The following CPZ variants were observed in gnomAD, a reference collection of about 807,000 sequenced individuals.
CPZ encodes the protein VEZT/CPZ fusion.
Under a neutral mutation model 61.8 loss-of-function variants are expected in CPZ, and 103 were observed. The observed-to-expected ratio is 1.67, with a 90% CI of 1.42 to 1.96. The LOEUF is 1.96. CPZ is among the 30% of genes most tolerant of loss of function. The pLI is 0.00. For synonymous variants in CPZ, 551 were observed against 373.7 expected (o/e 1.47, Z -5.47); for missense variants, 1,461 against 914.9 (o/e 1.60, Z -7.70).
In CPZ at chr4:8,617,638, G is replaced by T. The variant is rs1716291251; in HGVS notation, c.1504-791G>T. On this transcript the variant is annotated intron_variant, in intron 9 of 10. Coordinates refer to ENST00000360986, the MANE Select transcript of CPZ (RefSeq NM_001014447.3). ...CCTGGCTGGGAGCCCTTTCCCTTGA[G>T]AATCTGTTGCTGCTGAGCCCCGTGC... Among the ~76,000 whole-genome samples, 3 of 152,166 alleles carry T rather than the reference G, an allele frequency of 2.0e-5. No homozygotes were observed. In the South Asian group the frequency reaches 6.2e-4, roughly 32 times the overall value.
In CPZ at chr4:8,594,865, C is replaced by T. The variant is rs112416995; in HGVS notation, c.88+1944C>T. 3.2e-4 allele frequency among the ~76,000 whole-genome samples: 48 copies of T among 152,050 alleles called. 1 individual carries two copies. In the East Asian group the frequency reaches 7.4e-3, roughly 23 times the overall value. On this transcript the variant is annotated intron_variant, in intron 1 of 10. Coordinates refer to ENST00000360986, the MANE Select transcript of CPZ (RefSeq NM_001014447.3). ...TCAGCTCACTGCGAGCTCCACCTCCCGGGTTCACGCCATTCTCCTGGCTCA... is the reference window on the plus strand; with the variant it reads ...TCAGCTCACTGCGAGCTCCACCTCCTGGGTTCACGCCATTCTCCTGGCTCA...
In CPZ at chr4:8,618,154, A is replaced by C. The variant is rs1458611194; in HGVS notation, c.1504-275A>C. On this transcript the variant is annotated intron_variant, in intron 9 of 10. Coordinates refer to ENST00000360986, the MANE Select transcript of CPZ (RefSeq NM_001014447.3). ...GGAAAGGGTTCTCTGCTCAATGCCC[A>C]TAGAGATGGAGTCAGCCAGGCCTCG... 47 of 457,398 alleles carry C rather than the reference A, an allele frequency of 1.0e-4. No homozygotes were observed. In the East Asian group the frequency reaches 1.5e-3, roughly 15 times the overall value. The allele number at this position is 457,398 out of a possible 1,614,324, so 28.3% of individuals were successfully genotyped here. A position where few individuals can be genotyped will look rare whatever the true frequency, so the allele number is the denominator to read the frequency against.
chr4:8,610,673 C>T (rs182511844), intron 7 of CPZ, among the ~76,000 whole-genome samples: 58 of 152,290 alleles, frequency 3.8e-4, no homozygotes, highest in African/African-American at 1.2e-3. Context: ...TGGGAAAGTC[C>T]GCTGAGGCTT....
Position 8,592,911 on chromosome 4 carries a change from G to T in CPZ, c.78G>T (p.Arg26=). ...AAARPGCEFE[R]NPAGECHRPP... ...CCCGGCCGGGGTGCGAGTTTGAGCG[G>T]AACCCCGCCGGTAAGGCCGTCCCCT... The change falls in exon 1 of 11, where the codon CGG becomes CGT. Residue 26 remains arginine (R), a synonymous_variant. Coordinates refer to ENST00000360986, the MANE Select transcript of CPZ (RefSeq NM_001014447.3). 1 of 1,533,838 alleles carries T rather than the reference G, an allele frequency of 6.5e-7. No individual in the cohort carries two copies.
chr4:8,604,868 C>A (rs1714817706), intron 4 of CPZ, among the ~76,000 whole-genome samples: 1 of 152,238 alleles, frequency 6.6e-6, no homozygotes, highest in Admixed American at 6.5e-5. Flanking sequence ...GCAGCCTCAG[C>A]CAGTCTTCAT....
intron 1 of CPZ, among the ~76,000 whole-genome samples, chr4:8,595,322 G>A (rs575444025): frequency 3.8e-4 from 58 of 152,338 alleles, no homozygotes; most frequent in African/African-American, 1.2e-3. Context: ...CCCACTGTGC[G>A]TTTGCAAGTC....
rs1577127683 is a variant in CPZ at position 8,614,609 on chromosome 4, T to TC, written c.1503+113dup. On this transcript the variant is annotated intron_variant, in intron 9 of 10. Coordinates refer to ENST00000360986, the MANE Select transcript of CPZ (RefSeq NM_001014447.3). ...GCCTCACTGCCCCATACACACATGC[T>TC]CCTTTTGCCACCACTTGTTTTGGGG... 5.3e-6 allele frequency: 6 copies of TC among 1,125,452 alleles called. No homozygotes were observed. In the East Asian group the frequency reaches 1.6e-4, roughly 29 times the overall value. The allele number at this position is 1,125,452 out of a possible 1,614,324, so 69.7% of individuals were successfully genotyped here.
At chr4:8,597,079 C>A (rs1219617302) in intron 1 of CPZ, among the ~76,000 whole-genome samples, 2 of 152,210 alleles carry the variant, frequency 1.3e-5, no homozygotes, top group Non-Finnish European at 2.9e-5. Flanking sequence ...CACCTTGACC[C>A]TTGAGCTGAC....
chr4:8,613,377 G>A (rs1011574397), intron 8 of CPZ, among the ~76,000 whole-genome samples: 1 of 152,190 alleles, frequency 6.6e-6, no homozygotes, highest in Admixed American at 6.5e-5. Context: ...TGATCCGCCT[G>A]CCTCGGACTC....
At position 8,619,685 on chromosome 4, in the gene CPZ, T is replaced by C; in HGVS notation, c.*68T>C. The C allele has an allele frequency of 7.9e-7, 1 of 1,258,394 alleles. No homozygotes were observed. Among genetic ancestry groups the C allele is most frequent in the Non-Finnish European group, 1.1e-6 (1 of 943,224 alleles). 78.0% of individuals were successfully genotyped at this position (1,258,394 alleles called of 1,614,324 possible). On this transcript the variant is annotated 3_prime_UTR_variant, in exon 11 of 11. Coordinates refer to ENST00000360986, the MANE Select transcript of CPZ (RefSeq NM_001014447.3). The stretch of plus-strand genomic sequence containing the variant: ...TCTCCGCATCCCGGGCTCCTGGCTC[T>C]TGATTTTGTCTGCCACAGACATCCC...
chr4:8,617,706 C>A (rs1000529184), intron 9 of CPZ, among the ~76,000 whole-genome samples: 1 of 152,190 alleles, frequency 6.6e-6, no homozygotes, highest in Non-Finnish European at 1.5e-5. Context: ...GACTCCTCTC[C>A]CCACAGGCAT....
intron 7 of CPZ, chr4:8,611,120 G>T: frequency 2.4e-6 from 1 of 424,112 alleles, no homozygotes; most frequent in South Asian, 1.6e-5. Context: ...ACTGGGCCCT[G>T]CCTGTCCACC....
chr4:8,609,249 T>A (rs1715421554), intron 7 of CPZ, among the ~76,000 whole-genome samples: 1 of 129,516 alleles, frequency 7.7e-6, no homozygotes, highest in African/African-American at 3.5e-5. Context: ...CATTCACTCA[T>A]CACTCACTCA....
Position 8,618,940 on chromosome 4 carries a change from G to A in CPZ, c.1604-322G>A, listed in dbSNP as rs181091233. Among the ~76,000 whole-genome samples the A allele has an allele frequency of 5.7e-4, 86 of 152,192 alleles. No individual in the cohort carries two copies. In the East Asian group the frequency reaches 0.013, roughly 23 times the overall value. On this transcript the variant is annotated intron_variant, in intron 10 of 10. Transcript: ENST00000360986. ...AATTTCACAGCCGATGAAAAATGACGGTATGCTGTGATATGTGTTACCTGG... is the reference window on the plus strand; with the variant it reads ...AATTTCACAGCCGATGAAAAATGACAGTATGCTGTGATATGTGTTACCTGG...
chr4:8,601,651 C>A, intron 3 of CPZ, 154 bp downstream of exon 3: 1 of 845,558 alleles, frequency 1.2e-6, no homozygotes, highest in Non-Finnish European at 1.7e-6. Context: ...GCAGCATGTT[C>A]CCCACAAAAG....
chr4:8,613,419 T>C (rs1339302796), intron 8 of CPZ, among the ~76,000 whole-genome samples: 2 of 152,210 alleles, frequency 1.3e-5, no homozygotes, highest in African/African-American at 2.4e-5. Flanking sequence ...CGTGAGCCAC[T>C]GCACCTGGCC....
Position 8,614,456 on chromosome 4 carries a change from C to A in CPZ, c.1461C>A (p.Leu487=). 1 of 1,614,020 alleles carries A rather than the reference C, an allele frequency of 6.2e-7. No homozygotes were observed. The highest frequency in any genetic ancestry group is 8.5e-7 in the Non-Finnish European group (1 of 1,179,970). The change falls in exon 9 of 11, where the codon CTC becomes CTA. Residue 487 remains leucine (L), a synonymous_variant. Coordinates refer to ENST00000360986, the MANE Select transcript of CPZ (RefSeq NM_001014447.3). ...CCCCCGAGGAGGCCCTGTACATACTCTGGCAGCACAACAAGGAGTCACTCC... is the reference window on the plus strand; with the variant it reads ...CCCCCGAGGAGGCCCTGTACATACTATGGCAGCACAACAAGGAGTCACTCC... ...KFPPEEALYI[L]WQHNKESLLN...
chr4:8,605,632 T>TCCGTCCACCC (rs879542414), intron 4 of CPZ, among the ~76,000 whole-genome samples: 7 of 109,408 alleles, frequency 6.4e-5, no homozygotes, highest in African/African-American at 2.5e-4. Context: ...CCATCATTGA[T>TCCGTCCACCC]ATATCCATTC....
chr4:8,604,309 G>T (rs985261631), intron 4 of CPZ, 121 bp downstream of exon 4: 2 of 924,666 alleles, frequency 2.2e-6, no homozygotes, highest in African/African-American at 3.3e-5. Flanking sequence ...GGGGCCTCAG[G>T]GAGCTGCTTG....
Sources: gnomAD v4.1 joint callset for allele counts (sites outside exome capture counted in the v4.1 genomes callset) on GRCh38, gnomAD v4.1.1 for gene constraint, MANE v1.5 for transcripts, NCBI Gene and HGNC (gene_info 2026-07-23, HGNC 2026-07-21) for gene names.